COPE: variants seen among roughly 807,000 people sequenced by gnomAD.
The protein encoded by COPE is coatomer subunit epsilon.
Under a neutral mutation model 42.1 loss-of-function variants are expected in COPE, and 19 were observed. That is an observed-to-expected ratio of 0.45 (90% confidence interval 0.31 to 0.66). The LOEUF (loss-of-function observed/expected upper bound fraction) is 0.66. Among genes scored for constraint, COPE ranks in the 30% least tolerant of loss-of-function variants. COPE has a pLI of 0.05. For missense variants in COPE, 402 were observed against 416.1 expected, an observed-to-expected ratio of 0.97 and a Z score of 0.30; for synonymous variants, 195 against 181.3, an observed-to-expected ratio of 1.08 and a Z score of -0.60.
chr19:18,900,251 G>C (rs2056684860), intron 8 of COPE, 130 bp downstream of exon 8: 2 of 759,426 alleles, frequency 2.6e-6, no homozygotes, highest in Admixed American at 5.8e-5. Flanking sequence ...GGTTTGTGAG[G>C]GAGGTGGGCT....
Position 18,905,902 on chromosome 19 carries a change from T to G in COPE, c.444-273A>C, listed in dbSNP as rs759175364. 30 of 533,040 alleles carry G rather than the reference T, an allele frequency of 5.6e-5. 1 individual carries two copies. The South Asian group carries it at 7.9e-4, about 14-fold the overall frequency. 33.0% of individuals were successfully genotyped at this position (533,040 alleles called of 1,614,324 possible). A position where few individuals can be genotyped will look rare whatever the true frequency, so the allele number is the denominator to read the frequency against. On this transcript the variant is annotated intron_variant, in intron 4 of 9. Coordinates refer to ENST00000262812, the MANE Select transcript of COPE (RefSeq NM_007263.4). ...GAGAAGCAGCCTCCATGGGCTGTGC[T>G]TCCAGATGGAGGGCCCTGCCCGGAC...
chr19:18,907,947 G>C (rs1451512623), intron 3 of COPE, among the ~76,000 whole-genome samples: 1 of 152,188 alleles, frequency 6.6e-6, no homozygotes, highest in South Asian at 2.1e-4. Flanking sequence ...AGGTCCAACA[G>C]ACAAGTGACT....
chr19:18,912,010 C>G (rs930771532), intron 2 of COPE, among the ~76,000 whole-genome samples: 9 of 152,090 alleles, frequency 5.9e-5, no homozygotes, highest in Admixed American at 2.0e-4. Flanking sequence ...ACCACCACAC[C>G]TGGCTAATTC....
intron 3 of COPE, among the ~76,000 whole-genome samples, chr19:18,908,608 C>T (rs879483314): frequency 2.0e-5 from 3 of 151,370 alleles, no homozygotes; most frequent in Non-Finnish European, 4.4e-5. Flanking sequence ...GCTCCGCCTC[C>T]CGGGTTCATG....
intron 2 of COPE, among the ~76,000 whole-genome samples, chr19:18,912,357 C>A (rs1189036583): frequency 6.6e-6 from 1 of 151,796 alleles, no homozygotes; most frequent in East Asian, 2.0e-4. Flanking sequence ...CACTATGTTG[C>A]CCAGGCTGGT....
chr19:18,909,872 C>T (rs1177312952), intron 3 of COPE, among the ~76,000 whole-genome samples: 1 of 152,184 alleles, frequency 6.6e-6, no homozygotes, highest in Non-Finnish European at 1.5e-5. Flanking sequence ...CTAAATCCAG[C>T]ATGTCTTCAT....
intron 7 of COPE, among the ~76,000 whole-genome samples, chr19:18,902,265 C>G (rs1234982871): frequency 6.6e-6 from 1 of 151,560 alleles, no homozygotes; most frequent in Non-Finnish European, 1.5e-5. Context: ...GGGACGATCA[C>G]TTGAGGCCAG....
At chr19:18,917,368 CT>C (rs1212951510) in intron 1 of COPE, among the ~76,000 whole-genome samples, 1 of 146,136 alleles carries the variant, frequency 6.8e-6, no homozygotes, top group Non-Finnish European at 1.5e-5. Context: ...AAGGAAATTT[CT>C]TTTTTCTTTT....
rs3177137 is a variant in COPE, at chr19:18,913,044, T to G, written c.129A>C (p.Leu43=). 5.0e-6 allele frequency: 8 copies of G among 1,610,070 alleles called. No individual in the cohort carries two copies. The highest frequency in any genetic ancestry group is 6.8e-6 in the Non-Finnish European group (8 of 1,179,664). ...TCTCCACGTCTCTCTCTGGGCTTGA[T>G]AGCTGTGGGAACCAATGTGAGTCAG... ...QCINEAQRVK[L]SSPERDVERD... Residue 43 remains leucine (L), a splice_region_variant and synonymous_variant, in exon 2 of 10, where the codon CTA becomes CTC. Transcript: ENST00000262812.
intron 7 of COPE, among the ~76,000 whole-genome samples, chr19:18,901,121 G>A (rs1230059610): frequency 6.6e-6 from 1 of 152,196 alleles, no homozygotes; most frequent in Non-Finnish European, 1.5e-5. Flanking sequence ...GAAGTGGGGG[G>A]ACCTGAGTGC....
rs1335900490 is a variant in COPE at position 18,912,896 on chromosome 19, C to T, written c.189+88G>A. ...GGGTCCCTGCTTTGTTTACTGTCCC[C>T]GCCACCCACTCTGTGGTGCCTTCCT... On this transcript the variant is annotated intron_variant, in intron 2 of 9. Coordinates refer to ENST00000262812, the MANE Select transcript of COPE (RefSeq NM_007263.4). The T allele has an allele frequency of 3.3e-5, 44 of 1,339,732 alleles. No homozygotes were observed. In the South Asian group the frequency reaches 4.0e-4, roughly 12 times the overall value. The allele number at this position is 1,339,732 out of a possible 1,614,324, so 83.0% of individuals were successfully genotyped here.
chr19:18,904,955 C>T (rs1202096401), intron 5 of COPE, 103 bp from the exon 6 acceptor site: 1 of 1,179,588 alleles, frequency 8.5e-7, no homozygotes, highest in Non-Finnish European at 1.2e-6. Flanking sequence ...TGGGGATGGC[C>T]CCTGCTTTGT....
chr19:18,909,435 G>C (rs1340999981), intron 3 of COPE, among the ~76,000 whole-genome samples: 1 of 152,144 alleles, frequency 6.6e-6, no homozygotes. Context: ...TCTGGTGGCT[G>C]CTGGCCACTC....
Position 18,902,821 on chromosome 19 carries a change from GA to G in COPE, c.735+446del, listed in dbSNP as rs1555709225. Among the ~76,000 whole-genome samples, 2 of 29,664 alleles carry G rather than the reference GA, an allele frequency of 6.7e-5. 1 individual carries two copies. The highest frequency in any genetic ancestry group is 7.0e-4 in the East Asian group (2 of 2,858). 19.5% of individuals were successfully genotyped at this position (29,664 alleles called of 152,430 possible). A position where few individuals can be genotyped will look rare whatever the true frequency, so the allele number is the denominator to read the frequency against. ...GGAAGGAAGGAAGGAAGGAAGGAAG[GA>G]AGGAAGAAAAGACTGCAGACATCAG... On this transcript the variant is annotated intron_variant, in intron 7 of 9. Coordinates refer to ENST00000262812, the MANE Select transcript of COPE (RefSeq NM_007263.4).
At chr19:18,900,114 G>A in intron 8 of COPE, 167 bp from the exon 9 acceptor site, 1 of 627,554 alleles carries the variant, frequency 1.6e-6, no homozygotes, top group East Asian at 2.8e-5. Context: ...GGGGGTGGAG[G>A]GATGGGCCTG....
intron 3 of COPE, chr19:18,910,645 T>C (rs78324337): frequency 0.078 from 25,893 of 331,836 alleles, 3,076 homozygotes; most frequent in African/African-American, 0.34. Context: ...CTGGGCTGTC[T>C]TGGGGCTCTG....
In COPE at chr19:18,916,590, C is replaced by T. The variant is rs185943386; in HGVS notation, c.126+2633G>A. ...GGATCATGAGGTCAGGAGTTACAGA[C>T]GAGCCTGGCCAACACAGTGAAACCC... On this transcript the variant is annotated intron_variant, in intron 1 of 9. Coordinates refer to ENST00000262812, the MANE Select transcript of COPE (RefSeq NM_007263.4). 7.3e-5 allele frequency among the ~76,000 whole-genome samples: 11 copies of T among 151,610 alleles called. No individual in the cohort carries two copies. The South Asian group carries it at 1.7e-3, about 23-fold the overall frequency.
In COPE at chr19:18,899,945, C is replaced by T. The variant is rs755817452; in HGVS notation, c.807G>A (p.Val269=). ...TCAGCTGGGACAGGTATCGGTTTGT[C>T]ACCTGCAGGGGAGGCAGGGAGGCAG... ...LSQHLGKPPE[V]TNRYLSQLKD... Residue 269 remains valine (V), a splice_region_variant and synonymous_variant, in exon 9 of 10, where the codon GTG becomes GTA. Coordinates refer to ENST00000262812, the MANE Select transcript of COPE (RefSeq NM_007263.4). 1 of 1,612,576 alleles carries T rather than the reference C, an allele frequency of 6.2e-7. No individual in the cohort carries two copies. Among genetic ancestry groups the T allele is most frequent in the Middle Eastern group, 1.6e-4 (1 of 6,076 alleles).
At chr19:18,901,796 G>A (rs56343246) in intron 7 of COPE, among the ~76,000 whole-genome samples, 2,110 of 152,240 alleles carry the variant, frequency 0.014, 45 homozygotes, top group African/African-American at 0.043. Flanking sequence ...GCCACGCATG[G>A]TGGCATACCG....
Sources: allele counts gnomAD v4.1 joint callset (sites outside exome capture counted in the v4.1 genomes callset), GRCh38; gene constraint gnomAD v4.1.1; transcripts MANE v1.5; gene names NCBI Gene and HGNC (gene_info 2026-07-23, HGNC 2026-07-21).